RFC1: variants seen among roughly 807,000 people sequenced by gnomAD.
The protein encoded by RFC1 is replication factor C subunit 1.
Under a neutral mutation model 137.4 loss-of-function variants are expected in RFC1, and 37 were observed. That is an observed-to-expected ratio of 0.27 (90% CI 0.21 to 0.35). The LOEUF (loss-of-function observed/expected upper bound fraction) is 0.35, where lower values mean the gene tolerates loss of function less well. Ranked by LOEUF, RFC1 falls within the 10% of genes least tolerant of loss-of-function variation. The pLI is 1.00. For synonymous variants in RFC1, 429 were observed against 455.7 expected (o/e 0.94, Z 0.75); for missense variants, 1,205 against 1,358.5 (o/e 0.89, Z 1.78).
intron 15 of RFC1, among the ~76,000 whole-genome samples, chr4:39,303,859 CACTTT>C (rs1283000180): frequency 1.3e-5 from 2 of 152,190 alleles, no homozygotes; most frequent in Non-Finnish European, 2.9e-5. Context: ...TTGTATCACA[CACTTT>C]ACTTAATCAC....
At chr4:39,350,892 A>C (rs979473120) in intron 2 of RFC1, among the ~76,000 whole-genome samples, 3 of 152,162 alleles carry the variant, frequency 2.0e-5, no homozygotes, top group African/African-American at 7.2e-5. Flanking sequence ...TTTAAAGTAA[A>C]ATTACATTGA....
rs760228988 is a variant in RFC1, at chr4:39,351,381, A to C, written c.99T>G (p.Thr33=). The C allele has an allele frequency of 1.9e-6, 3 of 1,564,510 alleles. No individual in the cohort carries two copies. The African/African-American group carries it at 4.2e-5, about 22-fold the overall frequency. The change falls in exon 2 of 25, where the codon ACT becomes ACG. Residue 33 remains threonine (T), a synonymous_variant. Transcript: ENST00000349703. ...CCTTTATTCCTTTCTTTGCTTTTAA[A>C]GTTTCTTCATCAGACTTTGTTTTCT... ...KNEKTKSDEE[T]LKAKKGIKEI... is the part of the protein sequence containing the mutation.
intron 9 of RFC1, 116 bp downstream of exon 9, chr4:39,320,267 T>C: frequency 1.1e-6 from 1 of 919,248 alleles, no homozygotes; most frequent in East Asian, 3.1e-5. Flanking sequence ...GTGAGTTGCT[T>C]GAACCTGGGA....
chr4:39,358,743 AC>A (rs1280625018), intron 1 of RFC1, among the ~76,000 whole-genome samples: 1 of 152,214 alleles, frequency 6.6e-6, no homozygotes, highest in Non-Finnish European at 1.5e-5. Flanking sequence ...ATACGAAAAA[AC>A]AAACATATGC....
At chr4:39,351,510 C>G in intron 1 of RFC1, 34 bp from the exon 2 acceptor site, 1 of 1,489,616 alleles carries the variant, frequency 6.7e-7, no homozygotes, top group Non-Finnish European at 8.9e-7. Context: ...CACGAATAAA[C>G]ATTAACCGCA....
intron 1 of RFC1, among the ~76,000 whole-genome samples, chr4:39,356,256 G>A (rs553793228): frequency 7.9e-5 from 12 of 151,932 alleles, no homozygotes; most frequent in Non-Finnish European, 1.5e-4. Flanking sequence ...AAAATTAGCC[G>A]AGCTTGGTGG....
intron 9 of RFC1, among the ~76,000 whole-genome samples, chr4:39,319,737 C>CAGTA (rs1739420305): frequency 6.6e-6 from 1 of 152,124 alleles, no homozygotes; most frequent in African/African-American, 2.4e-5. Context: ...AAACCACAGA[C>CAGTA]AGTACCAAAC....
intron 10 of RFC1, among the ~76,000 whole-genome samples, chr4:39,314,290 CT>C (rs1433737992): frequency 6.6e-6 from 1 of 152,182 alleles, no homozygotes; most frequent in Non-Finnish European, 1.5e-5. Context: ...AACTTAACTA[CT>C]TCTGAACAAA....
In RFC1 at chr4:39,327,530, T is replaced by C; in HGVS notation, c.558A>G (p.Arg186=). 6.2e-7 allele frequency: 1 copy of C among 1,607,144 alleles called. No homozygotes were observed. The highest frequency in any genetic ancestry group is 8.5e-7 in the Non-Finnish European group (1 of 1,176,942). ...RSNKKMVASK[R]KELSQNTDES... ...TTATATGTAGAACACTTACCTCTTTTCTTTTGCTTGCCACCATCTTCTTAT... is the reference window on the plus strand; with the variant it reads ...TTATATGTAGAACACTTACCTCTTTCCTTTTGCTTGCCACCATCTTCTTAT... Residue 186 remains arginine (R), a synonymous_variant, in exon 5 of 25, where the codon AGA becomes AGG. Transcript: ENST00000349703.
chr4:39,288,878 C>G (rs754578631), intron 24 of RFC1, 34 bp from the exon 25 acceptor site: 2 of 1,279,310 alleles, frequency 1.6e-6, no homozygotes, highest in Non-Finnish European at 2.3e-6. Flanking sequence ...TAGTTAATAG[C>G]TGTGTTTATG....
chr4:39,305,738 TCTGATTCATTTCCCAAAA>T (rs72308979), intron 14 of RFC1, among the ~76,000 whole-genome samples: 55 of 152,290 alleles, frequency 3.6e-4, no homozygotes, highest in African/African-American at 1.3e-3. Context: ...TTCAAATTCT[TCTGATTCATTTCCCAAAA>T]CTGATTACCT....
Position 39,298,944 on chromosome 4 carries a change from C to T in RFC1, c.2808+1077G>A, listed in dbSNP as rs954790775. ...CCATCCTGGCCAACACTGTTGGGAA[C>T]AGGCCCCCCAAAATCTGGCCATAAA... is the stretch of plus-strand genomic sequence containing the variant. On this transcript the variant is annotated intron_variant, in intron 21 of 24. Transcript: ENST00000349703. 2.6e-5 allele frequency among the ~76,000 whole-genome samples: 4 copies of T among 152,318 alleles called. No homozygotes were observed. The East Asian group carries it at 5.8e-4, about 22-fold the overall frequency.
chr4:39,360,473 C>T (rs985208570), intron 1 of RFC1, among the ~76,000 whole-genome samples: 4 of 151,772 alleles, frequency 2.6e-5, no homozygotes, highest in African/African-American at 9.7e-5. Flanking sequence ...CACTGCACTC[C>T]AGCCTGGGTG....
intron 4 of RFC1, among the ~76,000 whole-genome samples, chr4:39,331,965 T>C (rs951442665): frequency 1.3e-5 from 2 of 152,122 alleles, no homozygotes; most frequent in African/African-American, 2.4e-5. Context: ...TGGGGACAGG[T>C]CTTTCCTGCG....
chr4:39,314,995 A>G (rs781643891), intron 10 of RFC1, among the ~76,000 whole-genome samples: 2 of 151,986 alleles, frequency 1.3e-5, no homozygotes, highest in Non-Finnish European at 2.9e-5. Context: ...CCTAAATTCC[A>G]CTTTCCATTC....
At chr4:39,291,136 G>A (rs905760501) in intron 23 of RFC1, among the ~76,000 whole-genome samples, 2 of 152,108 alleles carry the variant, frequency 1.3e-5, no homozygotes, top group African/African-American at 4.8e-5. Context: ...TATTCATGAT[G>A]TATCACTTTA....
intron 1 of RFC1, among the ~76,000 whole-genome samples, chr4:39,361,406 C>A (rs758645133): frequency 9.2e-5 from 14 of 152,186 alleles, no homozygotes; most frequent in South Asian, 2.1e-4. Context: ...ATCAATCAAT[C>A]AATAAAATAT....
At position 39,341,453 on chromosome 4, in the gene RFC1, A is replaced by C. The variant is rs1187783674; in HGVS notation, c.331+892T>G. 8.2e-6 allele frequency: 3 copies of C among 366,478 alleles called. No individual in the cohort carries two copies. The East Asian group carries it at 2.2e-4, about 27-fold the overall frequency. The allele number at this position is 366,478 out of a possible 1,614,324, so 22.7% of individuals were successfully genotyped here. A position where few individuals can be genotyped will look rare whatever the true frequency, so the allele number is the denominator to read the frequency against. On this transcript the variant is annotated intron_variant, in intron 4 of 24. Coordinates refer to ENST00000349703, the MANE Select transcript of RFC1 (RefSeq NM_002913.5). ...ATAACAAAGAAACGTCTGTTTGGTA[A>C]AAATTTTCCAAAAAATATGTTCACA... is the stretch of plus-strand genomic sequence containing the variant.
intron 1 of RFC1, among the ~76,000 whole-genome samples, chr4:39,358,996 G>T (rs894308669): frequency 6.6e-6 from 1 of 152,074 alleles, no homozygotes; most frequent in Admixed American, 6.6e-5. Flanking sequence ...TCTCCCAAAG[G>T]TGCCTCTAAC....
Sources: allele counts gnomAD v4.1 joint callset (sites outside exome capture counted in the v4.1 genomes callset), GRCh38; gene constraint gnomAD v4.1.1; transcripts MANE v1.5; gene names NCBI Gene and HGNC (gene_info 2026-07-23, HGNC 2026-07-21).